Variants in VCPIP1 observed in about 807,000 individuals in gnomAD.
VCPIP1 encodes the protein deubiquitinating protein VCPIP1.
A neutral mutation model predicts 85.0 loss-of-function variants in VCPIP1; 8 were observed. That is an observed-to-expected ratio of 0.09 (90% CI 0.06 to 0.17). VCPIP1 has a LOEUF of 0.17. VCPIP1 is among the 10% of genes least tolerant of loss of function. The pLI, the probability that VCPIP1 is intolerant of heterozygous loss-of-function variation, is 1.00. For missense variants in VCPIP1, 1,070 were observed against 1,486.3 expected, an observed-to-expected ratio of 0.72 and a Z score of 4.61; for synonymous variants, 543 against 544.5, an observed-to-expected ratio of 1.00 and a Z score of 0.04.
intron 2 of VCPIP1, among the ~76,000 whole-genome samples, chr8:66,640,825 A>C (rs990821502): frequency 6.6e-6 from 1 of 151,682 alleles, no homozygotes. Context: ...CACCTCCACC[A>C]CTCAAAAAAA....
intron 1 of VCPIP1, among the ~76,000 whole-genome samples, chr8:66,655,478 T>C (rs1408377692): frequency 6.6e-6 from 1 of 152,232 alleles, no homozygotes; most frequent in Non-Finnish European, 1.5e-5. Flanking sequence ...AACTGTATTA[T>C]CTACCTTAGA....
intron 1 of VCPIP1, among the ~76,000 whole-genome samples, chr8:66,654,468 G>A (rs556664065): frequency 1.7e-4 from 26 of 152,034 alleles, no homozygotes; most frequent in Non-Finnish European, 3.4e-4. Context: ...AGAGCAAGGC[G>A]CACACACAAA....
chr8:66,642,667 C>G (rs1334748528), intron 2 of VCPIP1, among the ~76,000 whole-genome samples: 1 of 152,256 alleles, frequency 6.6e-6, no homozygotes, highest in Middle Eastern at 3.4e-3. Flanking sequence ...TGTCTGAGGA[C>G]CACTTGTTGA....
intron 2 of VCPIP1, among the ~76,000 whole-genome samples, chr8:66,639,207 ACCCCTGGGCTCAAG>A (rs1810922956): frequency 6.7e-6 from 1 of 149,060 alleles, no homozygotes; most frequent in Non-Finnish European, 1.5e-5. Flanking sequence ...CTCGTCTCAA[ACCCCTGGGCTCAAG>A]CCATCTGTCC....
In VCPIP1 at chr8:66,633,532, G is replaced by A. The variant is rs1343767164; in HGVS notation, c.*969C>T. ...GTAAAATTTGCATCTAAACCCAAGT[G>A]AAGCCAACAAATAAACTCTTATGGA... On this transcript the variant is annotated 3_prime_UTR_variant, in exon 3 of 3. Transcript: ENST00000310421. The A allele has an allele frequency of 1.3e-5, 2 of 148,416 alleles. No individual in the cohort carries two copies. Among genetic ancestry groups the A allele is most frequent in the Non-Finnish European group, 3.0e-5 (2 of 67,182 alleles). 9.2% of individuals were successfully genotyped at this position (148,416 alleles called of 1,614,324 possible).
At chr8:66,645,174 A>T (rs1173543228) in intron 2 of VCPIP1, among the ~76,000 whole-genome samples, 1 of 151,418 alleles carries the variant, frequency 6.6e-6, no homozygotes, top group Admixed American at 6.6e-5. Context: ...TAATCCCAGC[A>T]CTTTGGGAGA....
At chr8:66,659,952 T>G (rs1162657612) in intron 1 of VCPIP1, among the ~76,000 whole-genome samples, 3 of 152,034 alleles carry the variant, frequency 2.0e-5, no homozygotes, top group Non-Finnish European at 4.4e-5. Context: ...ACAATCCCCA[T>G]GTATATATTT....
chr8:66,659,948 C>T (rs1811140313), intron 1 of VCPIP1, among the ~76,000 whole-genome samples: 1 of 151,920 alleles, frequency 6.6e-6, no homozygotes, highest in Admixed American at 6.6e-5. Flanking sequence ...ATATACAATC[C>T]CCATGTATAT....
At chr8:66,664,077 T>C (rs1329352785) in intron 1 of VCPIP1, among the ~76,000 whole-genome samples, 172 bp downstream of exon 1, 1 of 152,212 alleles carries the variant, frequency 6.6e-6, no homozygotes, top group African/African-American at 2.4e-5. Context: ...AGTTACTCAA[T>C]AATCCTATTA....
chr8:66,629,128 T>C lies in VCPIP1; in HGVS notation c.*5373A>G, dbSNP rs1049966881. ...CATTAACATATAACATAGCAAATATTTGAGTGTTTACTATGTGTCAGGCAC... is the reference window on the plus strand; with the variant it reads ...CATTAACATATAACATAGCAAATATCTGAGTGTTTACTATGTGTCAGGCAC... On this transcript the variant is annotated 3_prime_UTR_variant, in exon 3 of 3. Transcript: ENST00000310421. The C allele has an allele frequency of 1.3e-5, 2 of 152,216 alleles. No homozygotes were observed. The highest frequency in any genetic ancestry group is 1.9e-4 in the East Asian group (1 of 5,206). 9.4% of individuals were successfully genotyped at this position (152,216 alleles called of 1,614,324 possible).
chr8:66,655,243 C>T (rs570780302), intron 1 of VCPIP1, among the ~76,000 whole-genome samples: 2 of 152,298 alleles, frequency 1.3e-5, no homozygotes, highest in East Asian at 3.9e-4. Flanking sequence ...CCCAGGGCCT[C>T]GCACAGTGCT....
chr8:66,643,570 C>T (rs1488408301), intron 2 of VCPIP1, among the ~76,000 whole-genome samples: 1 of 151,568 alleles, frequency 6.6e-6, no homozygotes, highest in African/African-American at 2.4e-5. Context: ...GGCATAGTGA[C>T]GCACACCTCT....
intron 1 of VCPIP1, 93 bp from the exon 2 acceptor site, chr8:66,651,637 G>A: frequency 6.3e-6 from 6 of 957,628 alleles, no homozygotes; most frequent in East Asian, 2.5e-5. Flanking sequence ...TAAACATCAA[G>A]GCAGAGCTCC....
At chr8:66,660,537 G>A (rs1811145257) in intron 1 of VCPIP1, among the ~76,000 whole-genome samples, 1 of 152,154 alleles carries the variant, frequency 6.6e-6, no homozygotes, top group Non-Finnish European at 1.5e-5. Flanking sequence ...AAAGTCTGAT[G>A]AGCTATATTC....
At chr8:66,651,326 G>T (rs965281362) in intron 2 of VCPIP1, 132 bp downstream of exon 2, 2 of 645,868 alleles carry the variant, frequency 3.1e-6, no homozygotes, top group Non-Finnish European at 5.0e-6. Flanking sequence ...TTTTAATTAG[G>T]CAAACTGCTA....
chr8:66,646,021 GCTC>G (rs149426392), intron 2 of VCPIP1, among the ~76,000 whole-genome samples: 2 of 151,540 alleles, frequency 1.3e-5, no homozygotes, highest in African/African-American at 4.8e-5. Flanking sequence ...CTATACAGAT[GCTC>G]CTCAACTTAC....
chr8:66,651,379 G>A (rs918279885), intron 2 of VCPIP1, 79 bp downstream of exon 2: 1 of 1,088,356 alleles, frequency 9.2e-7, no homozygotes, highest in Non-Finnish European at 1.3e-6. Flanking sequence ...TATTTTAGTA[G>A]AAAACTATAT....
At chr8:66,661,463 C>T (rs938493425) in intron 1 of VCPIP1, among the ~76,000 whole-genome samples, 3 of 152,028 alleles carry the variant, frequency 2.0e-5, no homozygotes, top group African/African-American at 7.2e-5. Flanking sequence ...CAACCAGGCA[C>T]AGTGACTCAC....
chr8:66,638,970 C>CTATATATATATATATATA (rs1554584185), intron 2 of VCPIP1, among the ~76,000 whole-genome samples: 45 of 118,422 alleles, frequency 3.8e-4, no homozygotes, highest in African/African-American at 1.6e-3. Context: ...CTCTCTCTCT[C>CTATATATATATATATATA]TATATATATA....
Sources: gnomAD v4.1 joint callset for allele counts (sites outside exome capture counted in the v4.1 genomes callset) on GRCh38, gnomAD v4.1.1 for gene constraint, MANE v1.5 for transcripts, NCBI Gene and HGNC (gene_info 2026-07-23, HGNC 2026-07-21) for gene names.